AGAP3: variants seen among roughly 807,000 people sequenced by gnomAD.
The protein encoded by AGAP3 is arf-GAP with GTPase, ANK repeat and PH domain-containing protein 3.
In AGAP3, 24 loss-of-function variants were observed where a neutral mutation model predicts 96.9. That is an observed-to-expected ratio of 0.25 (90% CI 0.18 to 0.35). AGAP3 has a LOEUF of 0.35. AGAP3 is among the 10% of genes least tolerant of loss of function. The pLI is 1.00. For missense variants in AGAP3, 876 were observed against 1,254.2 expected, an observed-to-expected ratio of 0.70 and a Z score of 4.55; for synonymous variants, 563 against 536.1, an observed-to-expected ratio of 1.05 and a Z score of -0.69.
chr7:151,108,740 A>G lies in AGAP3; in HGVS notation c.332-8053A>G, dbSNP rs1310326233. ...ATGATGACTTAGAGGCCCAAGCTCC[A>G]GCCTGGGATTCTGGAGTCCTGGGCC... On this transcript the variant is annotated intron_variant, in intron 1 of 17. Transcript: ENST00000397238. The surrounding 1 kb of genome is among the most constrained non-coding windows in gnomAD (Gnocchi z 4.2). Among the ~76,000 whole-genome samples the G allele has an allele frequency of 6.6e-6, 1 of 152,254 alleles. No individual in the cohort carries two copies. The highest frequency in any genetic ancestry group is 2.4e-5 in the African/African-American group (1 of 41,466).
At position 151,133,015 on chromosome 7, in the gene AGAP3, G is replaced by A. The variant is rs569137477; in HGVS notation, c.1327-1385G>A. On this transcript the variant is annotated intron_variant, in intron 10 of 17. Transcript: ENST00000397238. The surrounding 1 kb of genome is among the most constrained non-coding windows in gnomAD (Gnocchi z 5.4). ...GGCCAGTGCGGTAAAGGTGAAGGCC[G>A]GGCTCCTCAGGGTAGGAGGAGCGCG... Among the ~76,000 whole-genome samples the A allele has an allele frequency of 1.3e-4, 20 of 152,278 alleles. No homozygotes were observed. In the East Asian group the frequency reaches 3.3e-3, roughly 25 times the overall value.
At chr7:151,100,675 CA>C (rs1368818641) in intron 1 of AGAP3, among the ~76,000 whole-genome samples, 5 of 152,018 alleles carry the variant, frequency 3.3e-5, no homozygotes, top group Non-Finnish European at 7.4e-5. Flanking sequence ...CTACAGAAAA[CA>C]AAAATAAATA....
chr7:151,099,519 CTGT>C (rs1259899360), intron 1 of AGAP3, among the ~76,000 whole-genome samples: 14 of 152,324 alleles, frequency 9.2e-5, no homozygotes, highest in South Asian at 2.1e-4. Flanking sequence ...AGAAGTACAA[CTGT>C]TGTTGTGTGT....
Position 151,143,402 on chromosome 7 carries a change from C to G in AGAP3, c.2335C>G (p.Pro779Ala). The stretch of plus-strand genomic sequence containing the variant: ...ACAGAAGCTCTTCCTGGCCCCACTG[C>G]CAAGCTCAGATGTGCCACTGGGGCA... ...YEQKLFLAPL[P>A]SSDVPLGQQL... is the part of the protein sequence containing the mutation. Residue 779 changes from proline to alanine, a missense_variant, in exon 17 of 18, where the codon CCA becomes GCA. Physicochemically the swap from Pro to Ala is conservative, Grantham distance 27 (BLOSUM62 -1). Coordinates refer to ENST00000397238, the MANE Select transcript of AGAP3 (RefSeq NM_031946.7). The surrounding 1 kb of genome is among the most constrained non-coding windows in gnomAD (Gnocchi z 5.9). 1 of 1,614,226 alleles carries G rather than the reference C, an allele frequency of 6.2e-7. No homozygotes were observed. The highest frequency in any genetic ancestry group is 8.5e-7 in the Non-Finnish European group (1 of 1,180,040).
Position 151,142,772 on chromosome 7 carries a change from G to T in AGAP3, c.2273+138G>T. On this transcript the variant is annotated intron_variant, in intron 16 of 17. Transcript: ENST00000397238. This position sits in a 1 kb window ranked among gnomAD's most constrained non-coding sequence, Gnocchi z 7.5. ...TGCTCTGCTTGGCAGTTGGCCCCTT[G>T]GGGGTGCCCCTCCTGCTCTGGTGCC... The T allele has an allele frequency of 1.1e-6, 1 of 935,330 alleles. No individual in the cohort carries two copies. Among genetic ancestry groups the T allele is most frequent in the Non-Finnish European group, 1.6e-6 (1 of 633,730 alleles). 57.9% of individuals were successfully genotyped at this position (935,330 alleles called of 1,614,324 possible).
chr7:151,095,334 C>T (rs1029097498), intron 1 of AGAP3, among the ~76,000 whole-genome samples: 10 of 152,186 alleles, frequency 6.6e-5, no homozygotes, highest in African/African-American at 1.7e-4. Context: ...TGGCTGTGCC[C>T]GCTCCATACC....
chr7:151,117,922 T>A, intron 5 of AGAP3, 145 bp downstream of exon 5: 1 of 1,218,154 alleles, frequency 8.2e-7, no homozygotes, highest in Non-Finnish European at 1.1e-6. Context: ...CTCTCCGTGC[T>A]GCTCGTGTCT....
intron 8 of AGAP3, chr7:151,123,033 G>C: frequency 5.2e-6 from 7 of 1,351,690 alleles, no homozygotes; most frequent in Non-Finnish European, 6.6e-6. Context: ...GAAGAAGGCA[G>C]CTCGGCCCCA....
chr7:151,139,899 TCTC>T lies in AGAP3; in HGVS notation c.1667-72_1667-70del. On this transcript the variant is annotated intron_variant, in intron 12 of 17. Transcript: ENST00000397238. The surrounding 1 kb of genome is among the most constrained non-coding windows in gnomAD (Gnocchi z 4.9). The stretch of plus-strand genomic sequence containing the variant: ...CAGCTACAGTTGGCAGGACTGGTCC[TCTC>T]CTCCTCCCAGTGCCCTGCGCCCCTC... The T allele has an allele frequency of 7.6e-7, 1 of 1,318,650 alleles. No individual in the cohort carries two copies. The highest frequency in any genetic ancestry group is 9.9e-7 in the Non-Finnish European group (1 of 1,009,458). The allele number at this position is 1,318,650 out of a possible 1,614,324, so 81.7% of individuals were successfully genotyped here. A position where few individuals can be genotyped will look rare whatever the true frequency, so the allele number is the denominator to read the frequency against.
chr7:151,143,248 G>T lies in AGAP3; in HGVS notation c.2274-93G>T. 6.9e-7 allele frequency: 1 copy of T among 1,442,974 alleles called. No homozygotes were observed. Among genetic ancestry groups the T allele is most frequent in the South Asian group, 1.4e-5 (1 of 73,530 alleles). 89.4% of individuals were successfully genotyped at this position (1,442,974 alleles called of 1,614,324 possible). Reference sequence around the variant, plus strand: ...CTCACTGTTTCTTCCTTGTTCCCCCGGGTGCTCGCTTCCTTTCCTGCCCAC... The same window carrying T: ...CTCACTGTTTCTTCCTTGTTCCCCCTGGTGCTCGCTTCCTTTCCTGCCCAC... On this transcript the variant is annotated intron_variant, in intron 16 of 17. Transcript: ENST00000397238. This position sits in a 1 kb window ranked among gnomAD's most constrained non-coding sequence, Gnocchi z 5.9.
intron 1 of AGAP3, among the ~76,000 whole-genome samples, chr7:151,104,009 G>T (rs188999146): frequency 4.6e-5 from 7 of 152,126 alleles, no homozygotes; most frequent in African/African-American, 7.2e-5. Context: ...CCGTGGCGGG[G>T]GCGTGAGGAC....
intron 1 of AGAP3, among the ~76,000 whole-genome samples, chr7:151,113,019 C>G (rs1163559091): frequency 6.6e-6 from 1 of 152,196 alleles, no homozygotes; most frequent in Non-Finnish European, 1.5e-5. Flanking sequence ...CAGGTGTGAG[C>G]CACCGCGCCC....
chr7:151,120,551 C>T (rs1799830884), intron 8 of AGAP3: 3 of 1,158,492 alleles, frequency 2.6e-6, no homozygotes, highest in Non-Finnish European at 3.5e-6. Flanking sequence ...GGCTGTTTGC[C>T]CAAGGCGACA....
At position 151,103,655 on chromosome 7, in the gene AGAP3, A is replaced by C. The variant is rs189217187; in HGVS notation, c.332-13138A>C. Among the ~76,000 whole-genome samples, 218 of 152,326 alleles carry C rather than the reference A, an allele frequency of 1.4e-3. 1 individual carries two copies. The highest frequency in any genetic ancestry group is 2.7e-3 in the Non-Finnish European group (181 of 68,032). ...CATTCTACACAACCATTACACCAGA[A>C]TAGCACCTAGGAAGGTCAGAAGAGC... On this transcript the variant is annotated intron_variant, in intron 1 of 17. Coordinates refer to ENST00000397238, the MANE Select transcript of AGAP3 (RefSeq NM_031946.7).
Position 151,142,480 on chromosome 7 carries a change from C to T in AGAP3, c.2119C>T (p.Leu707=), listed in dbSNP as rs950020144. 1 of 1,614,012 alleles carries T rather than the reference C, an allele frequency of 6.2e-7. No individual in the cohort carries two copies. The highest frequency in any genetic ancestry group is 8.5e-7 in the Non-Finnish European group (1 of 1,180,032). ...CIECSGIHRH[L]GAHLSRVRSL... Reference sequence around the variant, plus strand: ...TGAGTGCTCAGGCATCCACCGACACCTGGGGGCTCACCTGTCCCGGGTGCG... The same window carrying T: ...TGAGTGCTCAGGCATCCACCGACACTTGGGGGCTCACCTGTCCCGGGTGCG... The change falls in exon 16 of 18, where the codon CTG becomes TTG. Residue 707 remains leucine (L), a synonymous_variant. Coordinates refer to ENST00000397238, the MANE Select transcript of AGAP3 (RefSeq NM_031946.7). The surrounding 1 kb of genome is among the most constrained non-coding windows in gnomAD (Gnocchi z 7.5).
chr7:151,123,810 AC>A lies in AGAP3; in HGVS notation c.1147del (p.Leu383TrpfsTer29). The A allele has an allele frequency of 6.2e-7, 1 of 1,613,118 alleles. No homozygotes were observed. The highest frequency in any genetic ancestry group is 8.5e-7 in the Non-Finnish European group (1 of 1,179,964). The part of the protein sequence containing the change: ...SNIFTSRKGA[D>X]LDREKKAAEC... ...CTCTTCCAGTCTCGGAAGGGTGCTG[AC>A]CTGGACCGGGAGAAGAAGGCTGCCG... On this transcript the variant is annotated frameshift_variant, in exon 9 of 18. Transcript: ENST00000397238. LOFTEE classifies it high-confidence loss of function.
At position 151,118,740 on chromosome 7, in the gene AGAP3, C is replaced by T; in HGVS notation, c.969+108C>T. 1.4e-6 allele frequency: 2 copies of T among 1,412,678 alleles called. No individual in the cohort carries two copies. Among genetic ancestry groups the T allele is most frequent in the Non-Finnish European group, 1.9e-6 (2 of 1,027,260 alleles). The allele number at this position is 1,412,678 out of a possible 1,614,324, so 87.5% of individuals were successfully genotyped here. On this transcript the variant is annotated intron_variant, in intron 7 of 17. Coordinates refer to ENST00000397238, the MANE Select transcript of AGAP3 (RefSeq NM_031946.7). The surrounding 1 kb of genome is among the most constrained non-coding windows in gnomAD (Gnocchi z 6.1). ...CCTGCTCACACCTGTCCACCTTCCT[C>T]TGGCCTCCCAGCCTTGCATGTTGCT...
intron 3 of AGAP3, 71 bp downstream of exon 3, chr7:151,117,253 T>TC (rs200527701): frequency 1.1e-5 from 17 of 1,578,628 alleles, no homozygotes; most frequent in Non-Finnish European, 1.4e-5. Flanking sequence ...AGGGTCTGGG[T>TC]GGGGGGTCTC....
chr7:151,125,036 CGTGT>C (rs1162302186), intron 9 of AGAP3, among the ~76,000 whole-genome samples: 1 of 152,194 alleles, frequency 6.6e-6, no homozygotes, highest in African/African-American at 2.4e-5. Context: ...TCGCGGAGTG[CGTGT>C]GTATGTGTGT....
Sources: allele counts gnomAD v4.1 joint callset (sites outside exome capture counted in the v4.1 genomes callset), GRCh38; gene constraint gnomAD v4.1.1; non-coding constraint Gnocchi (gnomAD v3.1); transcripts MANE v1.5; gene names NCBI Gene and HGNC (gene_info 2026-07-23, HGNC 2026-07-21).